The following DNAH9 variants were observed in gnomAD, a reference collection of about 807,000 sequenced individuals.
The protein encoded by DNAH9 is dynein axonemal heavy chain 9, also known as DNAH9 variant protein.
A neutral mutation model predicts 471.6 loss-of-function variants in DNAH9; 345 were observed. The ratio of observed to expected loss-of-function variants is 0.73; its 90% CI spans 0.67 to 0.80. The LOEUF (loss-of-function observed/expected upper bound fraction) is 0.80. Ranked by LOEUF, DNAH9 falls within the 30% of genes least tolerant of loss-of-function variation. The pLI is 0.00. For synonymous variants in DNAH9, 2,093 were observed against 2,123.6 expected (o/e 0.99, Z 0.40); for missense variants, 5,407 against 5,609.2 (o/e 0.96, Z 1.15).
At chr17:11,918,603 A>G (rs1974032675) in intron 61 of DNAH9, among the ~76,000 whole-genome samples, 1 of 152,136 alleles carries the variant, frequency 6.6e-6, no homozygotes, top group South Asian at 2.1e-4. Flanking sequence ...AGGATTCAGG[A>G]TTCATGGAGT....
At chr17:11,749,252 T>G (rs1480896898) in intron 32 of DNAH9, among the ~76,000 whole-genome samples, 1 of 151,592 alleles carries the variant, frequency 6.6e-6, no homozygotes, top group Non-Finnish European at 1.5e-5. Flanking sequence ...GCCCAGCTAA[T>G]TTTTTGTATT....
At chr17:11,638,231 T>C (rs1430590288) in intron 9 of DNAH9, among the ~76,000 whole-genome samples, 1 of 152,226 alleles carries the variant, frequency 6.6e-6, no homozygotes, top group Non-Finnish European at 1.5e-5. Flanking sequence ...GAAGTCATTC[T>C]AAGAAAATCC....
In DNAH9 at chr17:11,935,009, G is replaced by A. The variant is rs58260470; in HGVS notation, c.12489+938G>A. 8.8e-3 allele frequency among the ~76,000 whole-genome samples: 1,339 copies of A among 152,172 alleles called. 23 individuals carry two copies. The highest frequency in any genetic ancestry group is 0.031 in the African/African-American group (1,270 of 41,516). ...GACGGAGTCTTGATCTGTCACCCAG[G>A]CTGGAATACAGTGGTGCGATCTTGG... On this transcript the variant is annotated intron_variant, in intron 65 of 68. Transcript: ENST00000262442.
Position 11,611,768 on chromosome 17 carries a change from G to C in DNAH9, c.892G>C (p.Asp298His), listed in dbSNP as rs745710699. The change falls in exon 4 of 69, where the codon GAT (aspartate) becomes CAT (histidine). Residue 298 changes from aspartate (D) to histidine (H), a missense_variant. Transcript: ENST00000262442. ...TCCAGCTTTCAAAGCCATGTACAGA[G>C]ATGTTGTTGCAGGTGAGGACCAGCA... The part of the protein sequence containing the change: ...YFPAFKAMYR[D>H]VVAALAEAQD... 27 of 1,614,114 alleles carry C rather than the reference G, an allele frequency of 1.7e-5. 1 individual carries two copies. The Admixed American group carries it at 4.0e-4, about 24-fold the overall frequency.
At chr17:11,684,718 T>G (rs2074206678) in intron 19 of DNAH9, among the ~76,000 whole-genome samples, 1 of 152,180 alleles carries the variant, frequency 6.6e-6, no homozygotes, top group South Asian at 2.1e-4. Context: ...ATTCTATGAA[T>G]GGCTGGGAGG....
chr17:11,791,592 T>A (rs1969064081), intron 41 of DNAH9, among the ~76,000 whole-genome samples: 1 of 152,066 alleles, frequency 6.6e-6, no homozygotes, highest in South Asian at 2.1e-4. Flanking sequence ...GTGCCTATAA[T>A]TCCAACTGTT....
chr17:11,783,570 C>A, intron 39 of DNAH9, 76 bp from the exon 40 acceptor site: 2 of 1,084,642 alleles, frequency 1.8e-6, no homozygotes, highest in Non-Finnish European at 2.8e-6. Flanking sequence ...TAGGGCACAT[C>A]CTACCGCACC....
At chr17:11,729,398 G>A (rs1422255406) in intron 28 of DNAH9, among the ~76,000 whole-genome samples, 2 of 152,138 alleles carry the variant, frequency 1.3e-5, no homozygotes, top group African/African-American at 2.4e-5. Flanking sequence ...AAGCTGTGGC[G>A]AGGTGCTTGG....
intron 67 of DNAH9, among the ~76,000 whole-genome samples, chr17:11,943,227 G>C (rs1175450837): frequency 6.6e-6 from 1 of 152,050 alleles, no homozygotes; most frequent in Non-Finnish European, 1.5e-5. Context: ...AATTGTAAAT[G>C]AACACTCAGA....
At chr17:11,921,251 T>C (rs1974129625) in intron 61 of DNAH9, among the ~76,000 whole-genome samples, 1 of 151,946 alleles carries the variant, frequency 6.6e-6, no homozygotes, top group Non-Finnish European at 1.5e-5. Context: ...TGATTTTTTT[T>C]TTTTCTTTTT....
At chr17:11,670,234 C>G (rs1004128076) in intron 17 of DNAH9, among the ~76,000 whole-genome samples, 7 of 152,212 alleles carry the variant, frequency 4.6e-5, no homozygotes, top group African/African-American at 1.7e-4. Flanking sequence ...GACTGCTTGT[C>G]TGTGCCATTC....
intron 61 of DNAH9, among the ~76,000 whole-genome samples, chr17:11,913,214 A>G (rs1191366438): frequency 7.2e-5 from 11 of 152,170 alleles, no homozygotes; most frequent in Non-Finnish European, 1.5e-4. Context: ...ATTCTCATGA[A>G]TGTTTGGTAG....
intron 63 of DNAH9, 94 bp downstream of exon 63, chr17:11,930,187 C>G: frequency 1.8e-6 from 2 of 1,130,786 alleles, no homozygotes; most frequent in South Asian, 1.5e-5. Flanking sequence ...AGAAGGGAGT[C>G]GGGTGCTGGT....
intron 27 of DNAH9, chr17:11,723,397 A>G (rs1376774423): frequency 6.6e-6 from 1 of 152,192 alleles, no homozygotes; most frequent in Admixed American, 6.5e-5. Context: ...TATTCTTGCC[A>G]TTCGCCTAGT....
chr17:11,763,520 A>T lies in DNAH9; in HGVS notation c.7076A>T (p.Glu2359Val), dbSNP rs1967804494. The T allele has an allele frequency of 1.2e-6, 2 of 1,614,026 alleles. No homozygotes were observed. The highest frequency in any genetic ancestry group is 1.7e-6 in the Non-Finnish European group (2 of 1,179,918). Residue 2359 changes from glutamate (E) to valine (V), a missense_variant, in exon 36 of 69, where the codon GAG (glutamate) becomes GTG (valine). Physicochemically the swap from Glu to Val is moderately radical, Grantham distance 121. Coordinates refer to ENST00000262442, the MANE Select transcript of DNAH9 (RefSeq NM_001372.4). ...CTTCTGGAATGTCTCCTGACCACGG[A>T]GGACATCCCTGCAGACTGCCCTAAG... ...CHLLECLLTT[E>V]DIPADCPKEI...
At chr17:11,880,885 T>G (rs1343459389) in intron 54 of DNAH9, among the ~76,000 whole-genome samples, 2 of 152,180 alleles carry the variant, frequency 1.3e-5, no homozygotes, top group Admixed American at 1.3e-4. Flanking sequence ...TTGTGGAAAC[T>G]GCAAGGTGGT....
At position 11,669,511 on chromosome 17, in the gene DNAH9, GT is replaced by G; in HGVS notation, c.3072del (p.Leu1025TrpfsTer61). 6.2e-7 allele frequency: 1 copy of G among 1,614,178 alleles called. No individual in the cohort carries two copies. The highest frequency in any genetic ancestry group is 8.5e-7 in the Non-Finnish European group (1 of 1,180,044). ...CCTCTATGTGGAGGACCGGAAGGAG[GT>G]TCTGGGTCAGTTTCTGCTGTACGGG... The part of the protein sequence containing the change: ...SYLYVEDRKE[V>X]LGQFLLYGHI... On this transcript the variant is annotated frameshift_variant, in exon 17 of 69. Coordinates refer to ENST00000262442, the MANE Select transcript of DNAH9 (RefSeq NM_001372.4). LOFTEE classifies it high-confidence loss of function.
At chr17:11,889,235 A>T (rs1161143066) in intron 57 of DNAH9, among the ~76,000 whole-genome samples, 1 of 152,202 alleles carries the variant, frequency 6.6e-6, no homozygotes, top group East Asian at 1.9e-4. Context: ...CTCAAAATAG[A>T]AGAAGCTTGC....
intron 68 of DNAH9, among the ~76,000 whole-genome samples, chr17:11,964,951 C>G (rs548380046): frequency 1.2e-4 from 19 of 152,146 alleles, no homozygotes; most frequent in Admixed American, 4.6e-4. Context: ...CCCAGGGCAA[C>G]AGTCTTTTTC....
Sources: allele counts gnomAD v4.1 joint callset (sites outside exome capture counted in the v4.1 genomes callset), GRCh38; gene constraint gnomAD v4.1.1; transcripts MANE v1.5; gene names NCBI Gene and HGNC (gene_info 2026-07-23, HGNC 2026-07-21).